The following VPS54 variants were observed in gnomAD, a reference collection of about 807,000 sequenced individuals.
VPS54 encodes VPS54 subunit of GARP complex, also known as vacuolar protein sorting-associated protein 54.
In VPS54, 45 loss-of-function variants were observed where a neutral mutation model predicts 121.5. The ratio of observed to expected loss-of-function variants is 0.37; its 90% CI spans 0.29 to 0.47. The LOEUF (loss-of-function observed/expected upper bound fraction) is 0.47. VPS54 is among the 20% of genes least tolerant of loss of function. VPS54 has a pLI of 0.99. For missense variants in VPS54, 1,090 were observed against 1,131.4 expected, an observed-to-expected ratio of 0.96 and a Z score of 0.52; for synonymous variants, 371 against 385.8, an observed-to-expected ratio of 0.96 and a Z score of 0.45.
At chr2:63,956,874 C>A (rs1458375019) in intron 7 of VPS54, among the ~76,000 whole-genome samples, 2 of 152,010 alleles carry the variant, frequency 1.3e-5, no homozygotes, top group South Asian at 4.2e-4. Context: ...AGTTTCTACA[C>A]AAAGCTTTAC....
intron 22 of VPS54, among the ~76,000 whole-genome samples, chr2:63,896,275 C>T (rs183454841): frequency 7.9e-5 from 12 of 152,180 alleles, no homozygotes; most frequent in African/African-American, 1.2e-4. Flanking sequence ...TTTAGAGACA[C>T]ATGCCAAAGT....
At chr2:63,939,252 A>G (rs1674606784) in intron 11 of VPS54, among the ~76,000 whole-genome samples, 1 of 152,046 alleles carries the variant, frequency 6.6e-6, no homozygotes, top group African/African-American at 2.4e-5. Flanking sequence ...TGCGCCTATA[A>G]TCCCAGCTAC....
chr2:63,941,055 C>A (rs1674707138), intron 11 of VPS54, among the ~76,000 whole-genome samples: 1 of 152,110 alleles, frequency 6.6e-6, no homozygotes, highest in Non-Finnish European at 1.5e-5. Flanking sequence ...TACACAAGTA[C>A]CAAAGTCCCC....
chr2:63,940,007 C>T (rs919256538), intron 11 of VPS54, among the ~76,000 whole-genome samples: 1 of 152,088 alleles, frequency 6.6e-6, no homozygotes, highest in African/African-American at 2.4e-5. Flanking sequence ...CTGCCTGCCT[C>T]GGCCTCCCAA....
chr2:63,917,383 A>G (rs1558989850), intron 15 of VPS54, among the ~76,000 whole-genome samples: 1 of 152,096 alleles, frequency 6.6e-6, no homozygotes, highest in Non-Finnish European at 1.5e-5. Flanking sequence ...TAGCATTTAA[A>G]TTGGTTGTCT....
intron 4 of VPS54, among the ~76,000 whole-genome samples, chr2:63,971,486 A>G (rs940404982): frequency 6.6e-6 from 1 of 152,218 alleles, no homozygotes; most frequent in African/African-American, 2.4e-5. Flanking sequence ...TAGAACCAAT[A>G]TATTAAACTC....
intron 1 of VPS54, 60 bp downstream of exon 1, chr2:64,018,877 TC>T (rs1208307540): frequency 5.0e-5 from 7 of 139,162 alleles, no homozygotes; most frequent in East Asian, 4.6e-4. Context: ...GGTCCCTCTC[TC>T]CGCTGTAGGT....
At chr2:63,912,283 C>T in intron 20 of VPS54, 62 bp downstream of exon 20, 1 of 1,321,620 alleles carries the variant, frequency 7.6e-7, no homozygotes, top group Middle Eastern at 2.5e-4. Context: ...TAAAGTACTC[C>T]TTATAAAATA....
At chr2:63,904,191 G>A (rs1397995624) in intron 20 of VPS54, among the ~76,000 whole-genome samples, 1 of 152,138 alleles carries the variant, frequency 6.6e-6, no homozygotes, top group Non-Finnish European at 1.5e-5. Context: ...TGTAATCCCA[G>A]CACTTTGGAA....
At chr2:63,977,787 T>C (rs1676617016) in intron 3 of VPS54, among the ~76,000 whole-genome samples, 2 of 152,232 alleles carry the variant, frequency 1.3e-5, no homozygotes, top group African/African-American at 2.4e-5. Flanking sequence ...AGATATGATA[T>C]ACCAAAGTTA....
chr2:63,930,519 TAGTA>T (rs1674140362), intron 12 of VPS54, among the ~76,000 whole-genome samples: 1 of 152,094 alleles, frequency 6.6e-6, no homozygotes, highest in South Asian at 2.1e-4. Flanking sequence ...TATCTCAAAA[TAGTA>T]AGAGCTATTT....
At chr2:63,941,369 T>G (rs1234725299) in intron 11 of VPS54, among the ~76,000 whole-genome samples, 2 of 148,924 alleles carry the variant, frequency 1.3e-5, no homozygotes, top group African/African-American at 5.2e-5. Context: ...GGACTACAGG[T>G]GTGCATCACT....
chr2:63,920,529 T>G lies in VPS54; in HGVS notation c.1968A>C (p.Lys656Asn), dbSNP rs775744889. 1 of 1,592,328 alleles carries G rather than the reference T, an allele frequency of 6.3e-7. No individual in the cohort carries two copies. The highest frequency in any genetic ancestry group is 1.4e-5 in the African/African-American group (1 of 73,042). ...GAAGTGCTCCAAGTAATGACGTGCTTTTTCTTCCACAGATCTGTTCGGTGT... is the reference window on the plus strand; with the variant it reads ...GAAGTGCTCCAAGTAATGACGTGCTGTTTCTTCCACAGATCTGTTCGGTGT... Reference protein sequence around the residue: ...ILDTEQICGRKSTSLLGALQS... With the variant: ...ILDTEQICGRNSTSLLGALQS... The change falls in exon 14 of 23, where the codon AAA (lysine) becomes AAC (asparagine). Residue 656 changes from lysine (K) to asparagine (N), a missense_variant. This residue lies in a region of VPS54 where 289 missense variants were observed against 374.4 expected (regional missense o/e 0.77). Coordinates refer to ENST00000272322, the MANE Select transcript of VPS54 (RefSeq NM_016516.3).
intron 7 of VPS54, among the ~76,000 whole-genome samples, chr2:63,958,061 G>C (rs1675583494): frequency 6.6e-6 from 1 of 152,246 alleles, no homozygotes; most frequent in South Asian, 2.1e-4. Context: ...AAAGTGTCAA[G>C]ATACATTTGG....
At chr2:64,011,265 C>T (rs1678415139) in intron 1 of VPS54, among the ~76,000 whole-genome samples, 1 of 152,006 alleles carries the variant, frequency 6.6e-6, no homozygotes, top group African/African-American at 2.4e-5. Flanking sequence ...AACATTATAG[C>T]AGCCATTAAA....
At chr2:64,003,114 TAAG>T (rs1163793490) in intron 1 of VPS54, among the ~76,000 whole-genome samples, 2 of 152,062 alleles carry the variant, frequency 1.3e-5, no homozygotes, top group Admixed American at 6.5e-5. Context: ...TGAGAAACCT[TAAG>T]AAGGTTTCAG....
chr2:63,911,420 T>G (rs576197588), intron 20 of VPS54, among the ~76,000 whole-genome samples: 1 of 152,272 alleles, frequency 6.6e-6, no homozygotes, highest in Non-Finnish European at 1.5e-5. Flanking sequence ...TTCCCAGAAG[T>G]CAGAGACCCT....
At position 63,893,109 on chromosome 2, in the gene VPS54, C is replaced by T; in HGVS notation, c.*321G>A. 2 of 375,068 alleles carry T rather than the reference C, an allele frequency of 5.3e-6. No individual in the cohort carries two copies. The highest frequency in any genetic ancestry group is 1.0e-5 in the Non-Finnish European group (2 of 198,916). The allele number at this position is 375,068 out of a possible 1,614,324, so 23.2% of individuals were successfully genotyped here. On this transcript the variant is annotated 3_prime_UTR_variant, in exon 23 of 23. Coordinates refer to ENST00000272322, the MANE Select transcript of VPS54 (RefSeq NM_016516.3). ...ATTTTTTAATATAAAGTATACAGAGCATTCTAGTCAACTACAGCTGTGTTA... is the reference window on the plus strand; with the variant it reads ...ATTTTTTAATATAAAGTATACAGAGTATTCTAGTCAACTACAGCTGTGTTA...
At chr2:63,987,067 C>T (rs1039153256) in intron 1 of VPS54, among the ~76,000 whole-genome samples, 5 of 152,076 alleles carry the variant, frequency 3.3e-5, no homozygotes, top group African/African-American at 7.2e-5. Flanking sequence ...AGCTTTGTAA[C>T]TTGATGTGAT....
Sources: gnomAD v4.1 joint callset for allele counts (sites outside exome capture counted in the v4.1 genomes callset) on GRCh38, gnomAD v4.1.1 for gene constraint, gnomAD v4.1.1 regional missense constraint, MANE v1.5 for transcripts, NCBI Gene and HGNC (gene_info 2026-07-23, HGNC 2026-07-21) for gene names.